Variants in PARD3 observed in about 807,000 individuals in gnomAD.
PARD3 encodes par-3 family cell polarity regulator, also known as partitioning defective 3 homolog.
In PARD3, 75 loss-of-function variants were observed where a neutral mutation model predicts 155.4. That is an observed-to-expected ratio of 0.48 (90% CI 0.40 to 0.58). PARD3 has a LOEUF of 0.58. Among genes scored for constraint, PARD3 ranks in the 20% least tolerant of loss-of-function variants. The pLI is 0.00. For missense variants in PARD3, 1,642 were observed against 1,721.7 expected, an observed-to-expected ratio of 0.95 and a Z score of 0.82; for synonymous variants, 576 against 610.5, an observed-to-expected ratio of 0.94 and a Z score of 0.83.
At chr10:34,669,539 C>T (rs2093569412) in intron 2 of PARD3, among the ~76,000 whole-genome samples, 1 of 152,078 alleles carries the variant, frequency 6.6e-6, no homozygotes, top group Non-Finnish European at 1.5e-5. Flanking sequence ...TTCACCACCA[C>T]ACAATATATC....
chr10:34,274,449 G>A (rs1432551017), intron 21 of PARD3, among the ~76,000 whole-genome samples: 5 of 152,138 alleles, frequency 3.3e-5, no homozygotes, highest in Non-Finnish European at 7.4e-5. Context: ...ATCACTAGCA[G>A]AAAGAGGAAA....
intron 1 of PARD3, among the ~76,000 whole-genome samples, chr10:34,808,448 A>G (rs143320163): frequency 1.4e-4 from 21 of 152,340 alleles, no homozygotes; most frequent in African/African-American, 5.0e-4. Context: ...AAAGGTACCC[A>G]AAACAGGTAA....
chr10:34,751,304 T>A (rs1468550712), intron 1 of PARD3, among the ~76,000 whole-genome samples: 1 of 152,146 alleles, frequency 6.6e-6, no homozygotes, highest in Non-Finnish European at 1.5e-5. Flanking sequence ...AAAATAACAA[T>A]TATCTTGATA....
chr10:34,245,349 A>C (rs1239019204), intron 22 of PARD3, among the ~76,000 whole-genome samples: 1 of 152,088 alleles, frequency 6.6e-6, no homozygotes, highest in Non-Finnish European at 1.5e-5. Context: ...TTCAATGAGG[A>C]TAAATACTGG....
intron 22 of PARD3, among the ~76,000 whole-genome samples, chr10:34,239,893 T>C (rs568130470): frequency 1.3e-5 from 2 of 152,288 alleles, no homozygotes; most frequent in Admixed American, 6.5e-5. Flanking sequence ...ATATGAGTAT[T>C]TTTAGAGTTT....
At chr10:34,217,721 G>T (rs968670609) in intron 22 of PARD3, among the ~76,000 whole-genome samples, 1 of 152,106 alleles carries the variant, frequency 6.6e-6, no homozygotes, top group Non-Finnish European at 1.5e-5. Context: ...TTTGGATTTT[G>T]AATCGTGGGA....
chr10:34,129,012 C>T (rs771879005), intron 23 of PARD3, among the ~76,000 whole-genome samples: 20 of 152,176 alleles, frequency 1.3e-4, no homozygotes, highest in Non-Finnish European at 2.4e-4. Context: ...CTTTGAGAAG[C>T]TCTGATCTTC....
intron 16 of PARD3, among the ~76,000 whole-genome samples, chr10:34,340,729 C>T (rs11009741): frequency 0.051 from 7,813 of 152,004 alleles, 348 homozygotes; most frequent in African/African-American, 0.12. Context: ...AAAATGTTAA[C>T]GCAAATAAAT....
chr10:34,213,052 A>C (rs1156627157), intron 22 of PARD3, among the ~76,000 whole-genome samples: 1 of 151,870 alleles, frequency 6.6e-6, no homozygotes, highest in Non-Finnish European at 1.5e-5. Flanking sequence ...ACATTATCTT[A>C]CTCTGTTTTG....
intron 22 of PARD3, among the ~76,000 whole-genome samples, chr10:34,141,550 G>A (rs1030679480): frequency 6.6e-6 from 1 of 152,112 alleles, no homozygotes; most frequent in Admixed American, 6.6e-5. Context: ...TCTCTCCATC[G>A]GAAAGCCTCA....
chr10:34,658,406 AGGTAACT>A (rs943924155), intron 2 of PARD3, among the ~76,000 whole-genome samples: 1 of 152,176 alleles, frequency 6.6e-6, no homozygotes, highest in Non-Finnish European at 1.5e-5. Context: ...GAGGGTAAAC[AGGTAACT>A]GCAGCACACC....
chr10:34,435,660 A>C (rs1280886693), intron 5 of PARD3, among the ~76,000 whole-genome samples: 1 of 152,242 alleles, frequency 6.6e-6, no homozygotes, highest in Non-Finnish European at 1.5e-5. Flanking sequence ...TTTGGCAAGA[A>C]GACCACATTC....
intron 2 of PARD3, among the ~76,000 whole-genome samples, chr10:34,660,660 C>T (rs531763142): frequency 1.4e-4 from 21 of 152,096 alleles, no homozygotes; most frequent in African/African-American, 3.6e-4. Flanking sequence ...TGCACACCAA[C>T]GCATGTGTGA....
At chr10:34,374,546 G>A (rs1302789706) in intron 11 of PARD3, among the ~76,000 whole-genome samples, 1 of 152,160 alleles carries the variant, frequency 6.6e-6, no homozygotes, top group African/African-American at 2.4e-5. Context: ...TTCAGCGACA[G>A]TCTGTGGAGT....
chr10:34,807,703 G>A (rs1197467228), intron 1 of PARD3, among the ~76,000 whole-genome samples: 2 of 151,840 alleles, frequency 1.3e-5, no homozygotes, highest in Non-Finnish European at 2.9e-5. Context: ...TATATATAAA[G>A]AGTATATATA....
At chr10:34,348,627 C>T (rs1021572231) in intron 14 of PARD3, among the ~76,000 whole-genome samples, 2 of 152,292 alleles carry the variant, frequency 1.3e-5, no homozygotes, top group African/African-American at 4.8e-5. Flanking sequence ...CTAAAGATAT[C>T]AGCTCAGATG....
intron 1 of PARD3, among the ~76,000 whole-genome samples, chr10:34,775,157 A>G (rs932278901): frequency 2.0e-5 from 3 of 152,236 alleles, no homozygotes; most frequent in African/African-American, 7.2e-5. Context: ...CTCATATGAC[A>G]GAGCAGCTGC....
At chr10:34,139,843 G>C (rs1030524146) in intron 22 of PARD3, among the ~76,000 whole-genome samples, 4 of 152,188 alleles carry the variant, frequency 2.6e-5, no homozygotes, top group African/African-American at 7.2e-5. Flanking sequence ...AAATGTCACT[G>C]AACTAAAAAG....
intron 18 of PARD3, 88 bp from the exon 19 acceptor site, chr10:34,331,432 A>C (rs1589207720): frequency 2.7e-6 from 2 of 738,718 alleles, no homozygotes; most frequent in African/African-American, 3.5e-5. Context: ...TCAGGTACAT[A>C]ACAATTATTT....
Sources: allele counts gnomAD v4.1 joint callset (sites outside exome capture counted in the v4.1 genomes callset), GRCh38; gene constraint gnomAD v4.1.1; transcripts MANE v1.5; gene names NCBI Gene and HGNC (gene_info 2026-07-23, HGNC 2026-07-21).